Variants in ITIH5 observed in about 807,000 individuals in gnomAD.
ITIH5 encodes inter-alpha-trypsin inhibitor heavy chain H5.
Under a neutral mutation model 77.5 loss-of-function variants are expected in ITIH5, and 65 were observed. That is an observed-to-expected ratio of 0.84 (90% CI 0.69 to 1.03). ITIH5 has a LOEUF of 1.03. ITIH5 is among the 50% of genes least tolerant of loss of function. The pLI, the probability that ITIH5 is intolerant of heterozygous loss-of-function variation, is 0.00. For synonymous variants in ITIH5, 525 were observed against 494.3 expected (o/e 1.06, Z -0.82); for missense variants, 1,208 against 1,213.1 (o/e 1.00, Z 0.06).
intron 7 of ITIH5, among the ~76,000 whole-genome samples, chr10:7,600,745 T>G (rs964609911): frequency 6.6e-6 from 1 of 152,142 alleles, no homozygotes; most frequent in Non-Finnish European, 1.5e-5. Flanking sequence ...AGATGGGGAC[T>G]TTAGGAGGTA....
intron 9 of ITIH5, chr10:7,578,622 C>T (rs10795554): frequency 0.52 from 79,568 of 152,122 alleles, 21,116 homozygotes; most frequent in East Asian, 0.77. Context: ...CTTTACTGCA[C>T]ACCTTAGGTG....
chr10:7,654,623 A>G (rs1834151028), intron 2 of ITIH5, among the ~76,000 whole-genome samples: 1 of 152,222 alleles, frequency 6.6e-6, no homozygotes, highest in Non-Finnish European at 1.5e-5. Flanking sequence ...TCATCTGGCC[A>G]TGTCTATCAC....
chr10:7,569,587 G>A (rs1832255645), intron 12 of ITIH5, 81 bp downstream of exon 12: 5 of 867,442 alleles, frequency 5.8e-6, no homozygotes, highest in Non-Finnish European at 7.1e-6. Context: ...TTGGATCACT[G>A]GACATCCATC....
At chr10:7,632,463 C>T (rs981109402) in intron 5 of ITIH5, among the ~76,000 whole-genome samples, 5 of 152,058 alleles carry the variant, frequency 3.3e-5, no homozygotes, top group African/African-American at 1.2e-4. Flanking sequence ...TTAAACTTCC[C>T]TAAAACTTTT....
At chr10:7,656,859 T>A (rs59813365) in intron 1 of ITIH5, among the ~76,000 whole-genome samples, 46,495 of 149,298 alleles carry the variant, frequency 0.31, 7,426 homozygotes, top group Non-Finnish European at 0.34. Context: ...TTCTCCTGCC[T>A]CAGCCTCTGG....
chr10:7,572,411 A>T (rs1335033217), intron 11 of ITIH5: 2 of 1,361,942 alleles, frequency 1.5e-6, no homozygotes, highest in African/African-American at 1.5e-5. Context: ...GAAAAAAATG[A>T]AAACAAAAAC....
At chr10:7,633,339 A>T (rs1473285131) in intron 5 of ITIH5, among the ~76,000 whole-genome samples, 3 of 152,234 alleles carry the variant, frequency 2.0e-5, no homozygotes, top group Non-Finnish European at 4.4e-5. Context: ...ACTGGGAAAG[A>T]TCCCATTAAT....
chr10:7,592,178 G>C (rs1483768087), intron 7 of ITIH5, among the ~76,000 whole-genome samples: 1 of 152,096 alleles, frequency 6.6e-6, no homozygotes, highest in Non-Finnish European at 1.5e-5. Flanking sequence ...CACTTTTTCT[G>C]GTTTATTATT....
rs1169380683 is a variant in ITIH5, at chr10:7,562,937, C to A, written c.*146G>T. 9.8e-6 allele frequency: 5 copies of A among 507,974 alleles called. No homozygotes were observed. Among genetic ancestry groups the A allele is most frequent in the South Asian group, 3.3e-5 (2 of 59,738 alleles). The allele number at this position is 507,974 out of a possible 1,614,324, so 31.5% of individuals were successfully genotyped here. ...CACCCCTACCCTTCGCCCAGACAGA[C>A]GTCGGATCTATGCTGCACCAGGGGT... On this transcript the variant is annotated 3_prime_UTR_variant, in exon 14 of 14. Coordinates refer to ENST00000397146, the MANE Select transcript of ITIH5 (RefSeq NM_030569.7).
At chr10:7,648,877 A>C (rs534118212) in intron 2 of ITIH5, among the ~76,000 whole-genome samples, 67 of 152,324 alleles carry the variant, frequency 4.4e-4, no homozygotes, top group African/African-American at 1.5e-3. Context: ...CAAGAATATG[A>C]AGCTTAGTTT....
At chr10:7,643,389 A>T (rs533770126) in intron 2 of ITIH5, among the ~76,000 whole-genome samples, 1 of 152,324 alleles carries the variant, frequency 6.6e-6, no homozygotes, top group East Asian at 1.9e-4. Flanking sequence ...CATTTCATAG[A>T]TGGAGGGAAG....
chr10:7,576,640 C>T lies in ITIH5; in HGVS notation c.1791G>A (p.Glu597=). 1.2e-6 allele frequency: 2 copies of T among 1,614,226 alleles called. No individual in the cohort carries two copies. Among genetic ancestry groups the T allele is most frequent in the Middle Eastern group, 3.3e-4 (2 of 6,062 alleles). Residue 597 remains glutamate, a synonymous_variant, in exon 10 of 14, where the codon GAG becomes GAA. Transcript: ENST00000397146. ...GGGCCCGCTGCCGCAGCCGCTCCTT[C>T]TCCGGTTCATCGTCACTTTGCAGCC... The part of the protein sequence containing the change: ...SSWLQSDDEP[E]KERLRQRAQA...
intron 5 of ITIH5, among the ~76,000 whole-genome samples, chr10:7,634,690 A>G (rs1208138377): frequency 6.6e-6 from 1 of 152,284 alleles, no homozygotes; most frequent in African/African-American, 2.4e-5. Context: ...CTGAAGAGTC[A>G]TTATGATTCT....
chr10:7,605,815 T>C (rs1269523279), intron 7 of ITIH5, among the ~76,000 whole-genome samples: 2 of 152,312 alleles, frequency 1.3e-5, no homozygotes, highest in Non-Finnish European at 1.5e-5. Flanking sequence ...TTGCTGTTAC[T>C]TGTAGCAAAG....
At position 7,565,360 on chromosome 10, in the gene ITIH5, C is replaced by T. The variant is rs549580610; in HGVS notation, c.2527+670G>A. On this transcript the variant is annotated intron_variant, in intron 13 of 13. Transcript: ENST00000397146. ...CAAAGATGGTATACATATATATATA[C>T]ATACACAGACTATGTATGTATATAT... Among the ~76,000 whole-genome samples the T allele has an allele frequency of 3.4e-5, 5 of 149,102 alleles. No homozygotes were observed. The East Asian group carries it at 9.9e-4, about 29-fold the overall frequency.
At chr10:7,616,725 G>C (rs1833374992) in intron 6 of ITIH5, among the ~76,000 whole-genome samples, 1 of 152,162 alleles carries the variant, frequency 6.6e-6, no homozygotes, top group African/African-American at 2.4e-5. Context: ...CTACTCGGGA[G>C]GCTGAGGCAG....
At chr10:7,627,945 G>A (rs538745108) in intron 5 of ITIH5, among the ~76,000 whole-genome samples, 100 of 140,144 alleles carry the variant, frequency 7.1e-4, no homozygotes, top group African/African-American at 2.5e-3. Context: ...ACATTCAAGC[G>A]ATTCTCCTGC....
At chr10:7,661,709 GT>G (rs1342950451) in intron 1 of ITIH5, among the ~76,000 whole-genome samples, 3 of 152,104 alleles carry the variant, frequency 2.0e-5, no homozygotes, top group Non-Finnish European at 4.4e-5. Context: ...TGTTTTTTAA[GT>G]TTTTTTGAGG....
rs751722207 is a variant in ITIH5, at chr10:7,666,907, G to T, written c.-15C>A. 2.5e-6 allele frequency: 4 copies of T among 1,580,604 alleles called. No homozygotes were observed. On this transcript the variant is annotated 5_prime_UTR_variant, in exon 1 of 14. Transcript: ENST00000397146. Reference sequence around the variant, plus strand: ...AGCAGGAGCATGGCGGGGCGAGGGCGCGGGACGCTCGGGGACCCGGCGGGA... The same window carrying T: ...AGCAGGAGCATGGCGGGGCGAGGGCTCGGGACGCTCGGGGACCCGGCGGGA...
Sources: allele counts gnomAD v4.1 joint callset (sites outside exome capture counted in the v4.1 genomes callset), GRCh38; gene constraint gnomAD v4.1.1; transcripts MANE v1.5; gene names NCBI Gene and HGNC (gene_info 2026-07-23, HGNC 2026-07-21).